Variants in ALCAM observed in about 807,000 individuals in gnomAD.
The protein encoded by ALCAM is activated leukocyte cell adhesion molecule, also known as CD166 antigen.
In ALCAM, 30 loss-of-function variants were observed where a neutral mutation model predicts 70.9. That is an observed-to-expected ratio of 0.42 (90% CI 0.32 to 0.57). ALCAM has a LOEUF of 0.57. Among genes scored for constraint, ALCAM ranks in the 20% least tolerant of loss-of-function variants. ALCAM has a pLI of 0.11. For synonymous variants in ALCAM, 249 were observed against 242.5 expected, an observed-to-expected ratio of 1.03 and a Z score of -0.25; for missense variants, 591 against 695.1, an observed-to-expected ratio of 0.85 and a Z score of 1.68.
At chr3:105,425,692 T>C (rs13100098) in intron 1 of ALCAM, among the ~76,000 whole-genome samples, 104,353 of 151,376 alleles carry the variant, frequency 0.69, 36,284 homozygotes, top group East Asian at 0.93. Flanking sequence ...AATTAAATAG[T>C]CACTAATATG....
At chr3:105,485,937 A>G (rs1938417347) in intron 1 of ALCAM, among the ~76,000 whole-genome samples, 3 of 152,028 alleles carry the variant, frequency 2.0e-5, no homozygotes, top group Admixed American at 2.0e-4. Flanking sequence ...TAGTTCTTAC[A>G]ATCAGAGTTA....
intron 14 of ALCAM, among the ~76,000 whole-genome samples, chr3:105,557,860 A>C (rs975651075): frequency 2.0e-5 from 3 of 152,162 alleles, no homozygotes; most frequent in Admixed American, 1.3e-4. Flanking sequence ...TAAAATTTTC[A>C]TGAGGAATTT....
intron 1 of ALCAM, among the ~76,000 whole-genome samples, chr3:105,477,760 G>T (rs943687069): frequency 1.3e-5 from 2 of 151,836 alleles, no homozygotes; most frequent in Non-Finnish European, 2.9e-5. Context: ...CTGAAGCACT[G>T]ATTTTTTTAA....
chr3:105,408,216 A>G (rs1936298031), intron 1 of ALCAM, among the ~76,000 whole-genome samples: 1 of 152,126 alleles, frequency 6.6e-6, no homozygotes. Context: ...AAAAAACTTA[A>G]AAGTCATATG....
chr3:105,429,885 A>G (rs943148289), intron 1 of ALCAM, among the ~76,000 whole-genome samples: 2 of 151,962 alleles, frequency 1.3e-5, no homozygotes, highest in African/African-American at 4.8e-5. Flanking sequence ...AATGCTTGGA[A>G]AATTATAAAT....
At chr3:105,377,498 G>A (rs1172526565) in intron 1 of ALCAM, among the ~76,000 whole-genome samples, 1 of 151,880 alleles carries the variant, frequency 6.6e-6, no homozygotes, top group Non-Finnish European at 1.5e-5. Flanking sequence ...TCATAAATCT[G>A]TACTATTACA....
intron 1 of ALCAM, among the ~76,000 whole-genome samples, chr3:105,471,567 C>G (rs1937927900): frequency 6.6e-6 from 1 of 150,728 alleles, no homozygotes; most frequent in Non-Finnish European, 1.5e-5. Context: ...TGGAGCTGAT[C>G]AGCTGCGAAG....
intron 1 of ALCAM, among the ~76,000 whole-genome samples, chr3:105,490,569 C>T (rs1156342577): frequency 1.3e-5 from 2 of 152,108 alleles, no homozygotes; most frequent in African/African-American, 4.8e-5. Context: ...TGTTTGTGTG[C>T]TGTTTGGGAG....
intron 14 of ALCAM, among the ~76,000 whole-genome samples, chr3:105,559,754 C>A (rs1263959395): frequency 6.6e-6 from 1 of 152,112 alleles, no homozygotes; most frequent in East Asian, 1.9e-4. Flanking sequence ...AAACCACTGG[C>A]TAATTGTTAT....
intron 1 of ALCAM, among the ~76,000 whole-genome samples, chr3:105,462,594 T>G (rs1444269003): frequency 6.6e-6 from 1 of 151,544 alleles, no homozygotes; most frequent in Non-Finnish European, 1.5e-5. Flanking sequence ...ATAATTACAC[T>G]GTTAACCAAT....
chr3:105,450,345 C>T (rs563796167), intron 1 of ALCAM, among the ~76,000 whole-genome samples: 49 of 152,246 alleles, frequency 3.2e-4, no homozygotes, highest in African/African-American at 1.1e-3. Flanking sequence ...AGAGCAGGGA[C>T]GTTTTGATAG....
chr3:105,513,464 A>G (rs1462884296), intron 1 of ALCAM: 5 of 151,814 alleles, frequency 3.3e-5, no homozygotes, highest in Admixed American at 6.6e-5. Flanking sequence ...AGAGGGGACA[A>G]TTTTGGGGGA....
At chr3:105,400,237 G>A (rs1394331805) in intron 1 of ALCAM, among the ~76,000 whole-genome samples, 1 of 151,906 alleles carries the variant, frequency 6.6e-6, no homozygotes, top group Admixed American at 6.6e-5. Flanking sequence ...CATGTTTGTG[G>A]GTAAAGTATT....
chr3:105,530,515 G>A lies in ALCAM; in HGVS notation c.395-1487G>A, dbSNP rs982411672. 5.3e-5 allele frequency among the ~76,000 whole-genome samples: 8 copies of A among 151,784 alleles called. No homozygotes were observed. The East Asian group carries it at 1.4e-3, about 26-fold the overall frequency. On this transcript the variant is annotated intron_variant, in intron 3 of 15. Coordinates refer to ENST00000306107, the MANE Select transcript of ALCAM (RefSeq NM_001627.4). ...AGTGTCACTTCTAGTTTGTGTTAATGTTAATTTTCTCTGTTGTGTCTTCCT... is the reference window on the plus strand; with the variant it reads ...AGTGTCACTTCTAGTTTGTGTTAATATTAATTTTCTCTGTTGTGTCTTCCT...
intron 1 of ALCAM, among the ~76,000 whole-genome samples, chr3:105,416,157 G>A (rs1936502303): frequency 6.6e-6 from 1 of 152,040 alleles, no homozygotes. Flanking sequence ...TAAGGATAAG[G>A]ATAAGTCTTA....
chr3:105,367,486 G>A lies in ALCAM; in HGVS notation c.73+5G>A. ...CCGCCACCGTCTTCAGGCCAGGTGA[G>A]CAAGGGCCTGGGAGCAGCCCCAGAC... On this transcript the variant is annotated splice_donor_5th_base_variant and intron_variant, in intron 1 of 15. Coordinates refer to ENST00000306107, the MANE Select transcript of ALCAM (RefSeq NM_001627.4). 1 of 1,614,056 alleles carries A rather than the reference G, an allele frequency of 6.2e-7. No individual in the cohort carries two copies. Among genetic ancestry groups the A allele is most frequent in the Non-Finnish European group, 8.5e-7 (1 of 1,179,918 alleles).
intron 1 of ALCAM, among the ~76,000 whole-genome samples, chr3:105,456,767 C>G (rs1362991187): frequency 6.8e-6 from 1 of 148,110 alleles, no homozygotes; most frequent in Non-Finnish European, 1.5e-5. Flanking sequence ...TGTAAAATGG[C>G]TGTTTCTAAG....
At chr3:105,453,623 G>C (rs1937486230) in intron 1 of ALCAM, among the ~76,000 whole-genome samples, 1 of 152,192 alleles carries the variant, frequency 6.6e-6, no homozygotes, top group Non-Finnish European at 1.5e-5. Flanking sequence ...GTCAATGGTA[G>C]TTTGATGGGA....
At chr3:105,489,400 A>T (rs956291134) in intron 1 of ALCAM, among the ~76,000 whole-genome samples, 1 of 152,176 alleles carries the variant, frequency 6.6e-6, no homozygotes, top group Non-Finnish European at 1.5e-5. Flanking sequence ...GTATACCATA[A>T]TTGTTCAGTC....
Sources: gnomAD v4.1 joint callset for allele counts (sites outside exome capture counted in the v4.1 genomes callset) on GRCh38, gnomAD v4.1.1 for gene constraint, MANE v1.5 for transcripts, NCBI Gene and HGNC (gene_info 2026-07-23, HGNC 2026-07-21) for gene names.